CDH18: variants seen among roughly 807,000 people sequenced by gnomAD.
CDH18 encodes the protein cadherin-18.
Under a neutral mutation model 67.9 loss-of-function variants are expected in CDH18, and 31 were observed. The ratio of observed to expected loss-of-function variants is 0.46; its 90% CI spans 0.34 to 0.62. The LOEUF (loss-of-function observed/expected upper bound fraction) is 0.62. CDH18 is among the 20% of genes least tolerant of loss of function. The pLI, the probability that CDH18 is intolerant of heterozygous loss-of-function variation, is 0.01. For missense variants in CDH18, 890 were observed against 975.5 expected (o/e 0.91, Z 1.17); for synonymous variants, 362 against 347.2 (o/e 1.04, Z -0.48).
chr5:20,036,809 C>T (rs887889628), intron 2 of CDH18, among the ~76,000 whole-genome samples: 1 of 151,976 alleles, frequency 6.6e-6, no homozygotes, highest in Non-Finnish European at 1.5e-5. Flanking sequence ...GTATTGGGTG[C>T]ATATATATTT....
chr5:20,170,307 T>C (rs950212168), intron 2 of CDH18, among the ~76,000 whole-genome samples: 1 of 152,076 alleles, frequency 6.6e-6, no homozygotes, highest in Non-Finnish European at 1.5e-5. Context: ...GTTACGTTCC[T>C]GAGTATAATG....
chr5:20,308,079 CTTTTTTT>C (rs759117114), intron 1 of CDH18, among the ~76,000 whole-genome samples: 29 of 85,436 alleles, frequency 3.4e-4, no homozygotes, highest in African/African-American at 1.6e-3. Flanking sequence ...AATACTACTG[CTTTTTTT>C]TTTTTTTTTT....
chr5:19,633,124 T>G (rs1320902647), intron 5 of CDH18, among the ~76,000 whole-genome samples: 1 of 152,252 alleles, frequency 6.6e-6, no homozygotes, highest in African/African-American at 2.4e-5. Flanking sequence ...ATTTCTGTGA[T>G]GCTTCTTTCT....
At chr5:20,319,799 A>G (rs755868401) in intron 1 of CDH18, among the ~76,000 whole-genome samples, 70 of 152,198 alleles carry the variant, frequency 4.6e-4, no homozygotes, top group Admixed American at 1.4e-3. Context: ...CTGGAAAAAC[A>G]CTATATATAG....
At chr5:20,320,530 C>A (rs574378246) in intron 1 of CDH18, among the ~76,000 whole-genome samples, 1 of 152,240 alleles carries the variant, frequency 6.6e-6, no homozygotes, top group African/African-American at 2.4e-5. Flanking sequence ...GAATGTTGTT[C>A]TAAGAAATTC....
At chr5:20,013,048 A>C (rs984232385) in intron 2 of CDH18, among the ~76,000 whole-genome samples, 5 of 152,124 alleles carry the variant, frequency 3.3e-5, no homozygotes, top group African/African-American at 1.2e-4. Flanking sequence ...CATCCTGCAC[A>C]TGTACTGGTG....
intron 11 of CDH18, among the ~76,000 whole-genome samples, chr5:19,492,441 C>T (rs558471604): frequency 1.3e-5 from 2 of 152,030 alleles, no homozygotes; most frequent in African/African-American, 2.4e-5. Context: ...AATAATATGG[C>T]CATAGTTTAT....
At chr5:20,196,698 C>T (rs1739009002) in intron 2 of CDH18, among the ~76,000 whole-genome samples, 1 of 152,084 alleles carries the variant, frequency 6.6e-6, no homozygotes, top group Non-Finnish European at 1.5e-5. Context: ...AACAGAGTTT[C>T]CAAATGAAAT....
At chr5:20,173,088 C>G (rs964677904) in intron 2 of CDH18, among the ~76,000 whole-genome samples, 3 of 152,042 alleles carry the variant, frequency 2.0e-5, no homozygotes, top group Non-Finnish European at 4.4e-5. Context: ...CTTCAGCCAA[C>G]AGATCTGCAA....
intron 2 of CDH18, among the ~76,000 whole-genome samples, chr5:20,142,548 C>A (rs956504653): frequency 4.6e-5 from 7 of 151,034 alleles, no homozygotes; most frequent in African/African-American, 1.7e-4. Flanking sequence ...CTACTGCATT[C>A]CAGCCTGGAC....
In CDH18 at chr5:19,506,938, G is replaced by A. The variant is rs555110430; in HGVS notation, c.1513-3829C>T. Among the ~76,000 whole-genome samples the A allele has an allele frequency of 2.7e-3, 407 of 152,048 alleles. 1 individual carries two copies. Among genetic ancestry groups the A allele is most frequent in the African/African-American group, 9.3e-3 (388 of 41,514 alleles). On this transcript the variant is annotated intron_variant, in intron 10 of 12. Coordinates refer to ENST00000382275, the MANE Select transcript of CDH18 (RefSeq NM_004934.5). ...TTAAACTAAAGAGCTTCTGCACAGT[G>A]AAAGAAACTACCATCAGAGTGAACA... is the stretch of plus-strand genomic sequence containing the variant.
At chr5:19,939,385 C>A (rs1794605173) in intron 2 of CDH18, among the ~76,000 whole-genome samples, 1 of 136,442 alleles carries the variant, frequency 7.3e-6, no homozygotes, top group Non-Finnish European at 1.7e-5. Context: ...TACAAGCAAC[C>A]AAATAAAGGC....
chr5:19,554,249 C>A (rs1190258686), intron 8 of CDH18, among the ~76,000 whole-genome samples: 1 of 152,162 alleles, frequency 6.6e-6, no homozygotes, highest in Non-Finnish European at 1.5e-5. Flanking sequence ...TATAATGTTT[C>A]TTCCTGGTAT....
chr5:20,550,294 C>G (rs1757562791), intron 1 of CDH18, among the ~76,000 whole-genome samples: 1 of 152,050 alleles, frequency 6.6e-6, no homozygotes, highest in Non-Finnish European at 1.5e-5. Flanking sequence ...GAAAAAATAA[C>G]TTAATGAACA....
At chr5:20,317,425 T>C (rs1737573445) in intron 1 of CDH18, among the ~76,000 whole-genome samples, 2 of 152,138 alleles carry the variant, frequency 1.3e-5, no homozygotes, top group South Asian at 4.1e-4. Context: ...GACATGTTAT[T>C]ATTTCTTTGC....
At chr5:20,483,066 A>G (rs1752924725) in intron 1 of CDH18, among the ~76,000 whole-genome samples, 1 of 152,126 alleles carries the variant, frequency 6.6e-6, no homozygotes, top group African/African-American at 2.4e-5. Flanking sequence ...TAAATTCAGT[A>G]AAGTTGAAGG....
chr5:20,172,198 A>ATG (rs1345916498), intron 2 of CDH18, among the ~76,000 whole-genome samples: 2 of 46,486 alleles, frequency 4.3e-5, no homozygotes, highest in Middle Eastern at 0.011. Context: ...GTGTATATAT[A>ATG]TATATATATA....
At chr5:20,200,352 C>T (rs1264273527) in intron 2 of CDH18, among the ~76,000 whole-genome samples, 1 of 152,056 alleles carries the variant, frequency 6.6e-6, no homozygotes, top group Non-Finnish European at 1.5e-5. Flanking sequence ...GGATTTAATA[C>T]ATAGTATCAG....
chr5:19,915,252 T>C (rs916493899), intron 2 of CDH18, among the ~76,000 whole-genome samples: 1 of 152,190 alleles, frequency 6.6e-6, no homozygotes, highest in Admixed American at 6.6e-5. Context: ...CAGTTGTCTT[T>C]CTTTTCTTCA....
Sources: allele counts gnomAD v4.1 joint callset (sites outside exome capture counted in the v4.1 genomes callset), GRCh38; gene constraint gnomAD v4.1.1; transcripts MANE v1.5; gene names NCBI Gene and HGNC (gene_info 2026-07-23, HGNC 2026-07-21).